The following PRKN variants were observed in gnomAD, a reference collection of about 807,000 sequenced individuals.
PRKN encodes the protein E3 ubiquitin-protein ligase parkin.
Under a neutral mutation model 59.5 loss-of-function variants are expected in PRKN, and 56 were observed. The ratio of observed to expected loss-of-function variants is 0.94; its 90% CI spans 0.76 to 1.18. The LOEUF (loss-of-function observed/expected upper bound fraction) is 1.18. Ranked by LOEUF, PRKN falls within the 50% of genes most tolerant of loss-of-function variation. The pLI, the probability that PRKN is intolerant of heterozygous loss-of-function variation, is 0.00. For synonymous variants in PRKN, 250 were observed against 222.1 expected, an observed-to-expected ratio of 1.13 and a Z score of -1.12; for missense variants, 657 against 596.4, an observed-to-expected ratio of 1.10 and a Z score of -1.06.
At chr6:162,204,502 C>T (rs747564218) in intron 3 of PRKN, among the ~76,000 whole-genome samples, 3 of 152,156 alleles carry the variant, frequency 2.0e-5, no homozygotes, top group Non-Finnish European at 4.4e-5. Flanking sequence ...ATTCAATCCA[C>T]TTGTAGGGCT....
intron 2 of PRKN, among the ~76,000 whole-genome samples, chr6:162,417,365 G>C (rs952716499): frequency 1.3e-5 from 2 of 152,120 alleles, no homozygotes; most frequent in Non-Finnish European, 2.9e-5. Context: ...TCCTGCCCCC[G>C]GCAGCCGGGC....
At chr6:162,635,829 G>A (rs1199242070) in intron 1 of PRKN, among the ~76,000 whole-genome samples, 1 of 152,096 alleles carries the variant, frequency 6.6e-6, no homozygotes, top group Non-Finnish European at 1.5e-5. Flanking sequence ...TCAGTCACAT[G>A]ATTCGCTTCC....
At chr6:162,594,321 G>A (rs952494567) in intron 1 of PRKN, among the ~76,000 whole-genome samples, 1 of 152,096 alleles carries the variant, frequency 6.6e-6, no homozygotes, top group Non-Finnish European at 1.5e-5. Flanking sequence ...TAGATGTAAA[G>A]ACTGCAAATT....
At chr6:162,177,764 T>A in intron 4 of PRKN, among the ~76,000 whole-genome samples, 1 of 151,290 alleles carries the variant, frequency 6.6e-6, no homozygotes, top group African/African-American at 2.4e-5. Context: ...TTAAAGAGAG[T>A]GCTTTGCACT....
At chr6:162,060,428 C>T (rs9295181) in intron 4 of PRKN, among the ~76,000 whole-genome samples, 78,785 of 152,070 alleles carry the variant, frequency 0.52, 20,835 homozygotes, top group Non-Finnish European at 0.56. Context: ...GCAAATATTA[C>T]CTAAACACGT....
chr6:162,574,326 C>G (rs1176723509), intron 1 of PRKN, among the ~76,000 whole-genome samples: 1 of 152,002 alleles, frequency 6.6e-6, no homozygotes, highest in Non-Finnish European at 1.5e-5. Context: ...AAACAGGCTT[C>G]TGTAGTTTGC....
intron 2 of PRKN, among the ~76,000 whole-genome samples, chr6:162,360,009 T>C (rs1278394552): frequency 6.6e-6 from 1 of 152,190 alleles, no homozygotes; most frequent in Non-Finnish European, 1.5e-5. Context: ...CAATATTTTA[T>C]AATTTTTCAA....
intron 1 of PRKN, among the ~76,000 whole-genome samples, chr6:162,650,347 C>A (rs895526224): frequency 6.6e-6 from 1 of 151,960 alleles, no homozygotes; most frequent in Non-Finnish European, 1.5e-5. Flanking sequence ...CCTGTAATCC[C>A]AGCACTTTGG....
At chr6:162,322,638 C>A (rs1389332545) in intron 2 of PRKN, among the ~76,000 whole-genome samples, 4 of 151,992 alleles carry the variant, frequency 2.6e-5, no homozygotes, top group African/African-American at 9.7e-5. Flanking sequence ...AATATGTTGA[C>A]CATTGAGCTT....
intron 4 of PRKN, among the ~76,000 whole-genome samples, chr6:162,127,458 A>T (rs373332364): frequency 1.3e-5 from 2 of 152,222 alleles, no homozygotes; most frequent in East Asian, 1.9e-4. Flanking sequence ...GCATACTAAA[A>T]TAACATTATT....
intron 7 of PRKN, among the ~76,000 whole-genome samples, chr6:161,675,862 A>G (rs1458979213): frequency 1.3e-5 from 2 of 152,250 alleles, no homozygotes; most frequent in South Asian, 2.1e-4. Flanking sequence ...ACATGTATTA[A>G]AAACACCTCT....
intron 4 of PRKN, among the ~76,000 whole-genome samples, chr6:162,068,285 T>C (rs1446094456): frequency 6.6e-6 from 1 of 152,210 alleles, no homozygotes; most frequent in Non-Finnish European, 1.5e-5. Context: ...GGTACATTAC[T>C]TCATTTATCT....
At chr6:161,515,886 C>A (rs1778568692) in intron 9 of PRKN, among the ~76,000 whole-genome samples, 1 of 152,150 alleles carries the variant, frequency 6.6e-6, no homozygotes, top group African/African-American at 2.4e-5. Context: ...AATGGCTTTT[C>A]ACACATGCAC....
intron 1 of PRKN, among the ~76,000 whole-genome samples, chr6:162,598,898 A>G (rs1357359094): frequency 6.6e-6 from 1 of 151,946 alleles, no homozygotes; most frequent in Non-Finnish European, 1.5e-5. Flanking sequence ...AAATGATTAA[A>G]TATTAAATGA....
chr6:161,920,338 T>A (rs1366230122), intron 6 of PRKN, among the ~76,000 whole-genome samples: 6 of 147,486 alleles, frequency 4.1e-5, no homozygotes, highest in East Asian at 4.2e-4. Flanking sequence ...GAGCCAAGAT[T>A]GTGCCACTGC....
intron 4 of PRKN, among the ~76,000 whole-genome samples, chr6:162,184,056 T>C (rs1783917129): frequency 1.3e-5 from 2 of 152,164 alleles, no homozygotes; most frequent in African/African-American, 4.8e-5. Flanking sequence ...AATCTGACTA[T>C]TTAATTTTCT....
At chr6:162,236,505 A>G (rs1434132510) in intron 3 of PRKN, among the ~76,000 whole-genome samples, 5 of 152,018 alleles carry the variant, frequency 3.3e-5, no homozygotes, top group African/African-American at 9.7e-5. Context: ...AGAAAGCCCA[A>G]GCTTGGTGTG....
chr6:162,706,568 A>C (rs994205903), intron 1 of PRKN, among the ~76,000 whole-genome samples: 1 of 152,228 alleles, frequency 6.6e-6, no homozygotes, highest in Non-Finnish European at 1.5e-5. Context: ...GTCCAAGTGC[A>C]TAAGCTTCCT....
At chr6:161,709,153 C>G (rs990017550) in intron 7 of PRKN, among the ~76,000 whole-genome samples, 1 of 152,086 alleles carries the variant, frequency 6.6e-6, no homozygotes, top group Non-Finnish European at 1.5e-5. Context: ...ACTGCAGGAG[C>G]TAATATGTTT....
Sources: gnomAD v4.1 joint callset for allele counts (sites outside exome capture counted in the v4.1 genomes callset) on GRCh38, gnomAD v4.1.1 for gene constraint, MANE v1.5 for transcripts, NCBI Gene and HGNC (gene_info 2026-07-23, HGNC 2026-07-21) for gene names.